The following EFCAB11 variants were observed in gnomAD, a reference collection of about 807,000 sequenced individuals.
The protein encoded by EFCAB11 is EF-hand calcium binding domain 11, also known as EF-hand calcium-binding domain-containing protein 11.
In EFCAB11, 14 loss-of-function variants were observed where a neutral mutation model predicts 23.0. That is an observed-to-expected ratio of 0.61 (90% CI 0.40 to 0.95). EFCAB11 has a LOEUF of 0.95. Ranked by LOEUF, EFCAB11 falls within the 40% of genes least tolerant of loss-of-function variation. The pLI, the probability that EFCAB11 is intolerant of heterozygous loss-of-function variation, is 0.00. For missense variants in EFCAB11, 198 were observed against 195.8 expected (o/e 1.01, Z -0.07); for synonymous variants, 65 against 66.6 (o/e 0.98, Z 0.11).
At chr14:89,810,948 A>C (rs1886132222) in intron 5 of EFCAB11, among the ~76,000 whole-genome samples, 1 of 152,136 alleles carries the variant, frequency 6.6e-6, no homozygotes, top group Admixed American at 6.5e-5. Flanking sequence ...AATTCTATTA[A>C]TACAAGCAAA....
At chr14:89,940,118 T>C (rs181904349) in intron 3 of EFCAB11, among the ~76,000 whole-genome samples, 1 of 152,362 alleles carries the variant, frequency 6.6e-6, no homozygotes, top group Non-Finnish European at 1.5e-5. Flanking sequence ...GTGAAACATA[T>C]TCACTGTTTT....
intron 5 of EFCAB11, among the ~76,000 whole-genome samples, chr14:89,811,318 G>A (rs1169029062): frequency 6.6e-6 from 1 of 152,184 alleles, no homozygotes; most frequent in Non-Finnish European, 1.5e-5. Context: ...GATGCAAAGA[G>A]CGATGGGAAG....
chr14:89,937,651 G>A (rs1387529124), intron 3 of EFCAB11, among the ~76,000 whole-genome samples: 1 of 152,000 alleles, frequency 6.6e-6, no homozygotes, highest in African/African-American at 2.4e-5. Flanking sequence ...TCAGCCTCCC[G>A]AGTAGCTGGG....
intron 5 of EFCAB11, among the ~76,000 whole-genome samples, chr14:89,878,496 A>C (rs1032433322): frequency 1.3e-5 from 2 of 152,224 alleles, no homozygotes; most frequent in East Asian, 1.9e-4. Flanking sequence ...AGAAAATAAA[A>C]GATGAAAATC....
rs1490951017 is a variant in EFCAB11, at chr14:89,796,294, A to G, written c.*949T>C. 6.6e-6 allele frequency: 1 copy of G among 151,976 alleles called. No individual in the cohort carries two copies. Among genetic ancestry groups the G allele is most frequent in the Non-Finnish European group, 1.5e-5 (1 of 67,986 alleles). 9.4% of individuals were successfully genotyped at this position (151,976 alleles called of 1,614,324 possible). Reference sequence around the variant, plus strand: ...GACATTATCTTAGAGAAGTCTTTATATGTTTTTTTTTAATTGAAAGTGTTT... The same window carrying G: ...GACATTATCTTAGAGAAGTCTTTATGTGTTTTTTTTTAATTGAAAGTGTTT... On this transcript the variant is annotated 3_prime_UTR_variant, in exon 6 of 6. Transcript: ENST00000316738.
chr14:89,902,071 C>A (rs1333034771), intron 5 of EFCAB11, among the ~76,000 whole-genome samples: 1 of 152,148 alleles, frequency 6.6e-6, no homozygotes, highest in Non-Finnish European at 1.5e-5. Flanking sequence ...TCTTGCCCTG[C>A]CTACCTCTCA....
intron 5 of EFCAB11, among the ~76,000 whole-genome samples, chr14:89,806,704 G>GGCT (rs1480579488): frequency 6.6e-6 from 1 of 152,106 alleles, no homozygotes; most frequent in African/African-American, 2.4e-5. Context: ...TGCTCAGCTA[G>GGCT]GCTGCTGCCA....
intron 5 of EFCAB11, among the ~76,000 whole-genome samples, chr14:89,906,741 A>G (rs764061952): frequency 3.3e-5 from 5 of 152,190 alleles, no homozygotes; most frequent in Non-Finnish European, 7.4e-5. Flanking sequence ...TGTAGCCAGG[A>G]GGGGAACATT....
At chr14:89,942,777 C>T (rs1015021669) in intron 3 of EFCAB11, among the ~76,000 whole-genome samples, 1 of 152,110 alleles carries the variant, frequency 6.6e-6, no homozygotes, top group Non-Finnish European at 1.5e-5. Context: ...CCCTGGCTGC[C>T]CTCAAATTCT....
At chr14:89,943,701 G>A (rs1031287361) in intron 3 of EFCAB11, among the ~76,000 whole-genome samples, 1 of 152,176 alleles carries the variant, frequency 6.6e-6, no homozygotes, top group Non-Finnish European at 1.5e-5. Context: ...GTTTGAAATT[G>A]GTTCAGTATT....
intron 5 of EFCAB11, among the ~76,000 whole-genome samples, chr14:89,877,174 G>C (rs980837716): frequency 2.0e-5 from 3 of 152,004 alleles, no homozygotes; most frequent in African/African-American, 7.2e-5. Flanking sequence ...TGAGTAGCTA[G>C]GATTATAGGT....
At chr14:89,934,279 C>T (rs562747064) in intron 3 of EFCAB11, among the ~76,000 whole-genome samples, 13 of 152,084 alleles carry the variant, frequency 8.5e-5, no homozygotes, top group Non-Finnish European at 1.5e-4. Context: ...GATGTGGTTG[C>T]CAGGTTGCTG....
At position 89,794,968 on chromosome 14, in the gene EFCAB11, C is replaced by CTTTTTTT. The variant is rs375782284; in HGVS notation, c.*2268_*2274dup. ...TGCTTGATTTGTTTCTACTTAATGT[C>CTTTTTTT]TTTTTTTTTTTTTTTTTTTTTTTTT... On this transcript the variant is annotated 3_prime_UTR_variant, in exon 6 of 6. Transcript: ENST00000316738. 2 of 67,264 alleles carry CTTTTTTT rather than the reference C, an allele frequency of 3.0e-5. No individual in the cohort carries two copies. The highest frequency in any genetic ancestry group is 5.2e-5 in the Non-Finnish European group (2 of 38,578). The allele number at this position is 67,264 out of a possible 1,614,324, so 4.2% of individuals were successfully genotyped here.
chr14:89,919,228 A>C (rs1222476796), intron 5 of EFCAB11, among the ~76,000 whole-genome samples: 1 of 149,400 alleles, frequency 6.7e-6, no homozygotes, highest in East Asian at 2.0e-4. Flanking sequence ...GAGAGAGAGA[A>C]ACACTAATTC....
At chr14:89,924,441 G>C in intron 5 of EFCAB11, 6 of 1,356,378 alleles carry the variant, frequency 4.4e-6, no homozygotes, top group Non-Finnish European at 5.7e-6. Flanking sequence ...TCATGACTGG[G>C]AAGCAAAAGC....
At chr14:89,810,681 G>T (rs1194229788) in intron 5 of EFCAB11, among the ~76,000 whole-genome samples, 2 of 148,810 alleles carry the variant, frequency 1.3e-5, no homozygotes, top group African/African-American at 2.5e-5. Context: ...ACTTGAACTC[G>T]ACAGGCAAAG....
chr14:89,872,219 C>T (rs550962102), intron 5 of EFCAB11, among the ~76,000 whole-genome samples: 1 of 152,286 alleles, frequency 6.6e-6, no homozygotes, highest in East Asian at 1.9e-4. Flanking sequence ...TGTTCTATTG[C>T]TATTTGCCAT....
chr14:89,833,669 G>A (rs1886961138), intron 5 of EFCAB11, among the ~76,000 whole-genome samples: 1 of 152,186 alleles, frequency 6.6e-6, no homozygotes, highest in Non-Finnish European at 1.5e-5. Context: ...ATATGAAAGG[G>A]AAAAGGCTAT....
At chr14:89,907,496 T>A (rs874322) in intron 5 of EFCAB11, among the ~76,000 whole-genome samples, 23,643 of 152,150 alleles carry the variant, frequency 0.16, 2,255 homozygotes, top group South Asian at 0.25. Context: ...ATTCAGCTAA[T>A]GTGTTTTCAT....
Sources: allele counts gnomAD v4.1 joint callset (sites outside exome capture counted in the v4.1 genomes callset), GRCh38; gene constraint gnomAD v4.1.1; transcripts MANE v1.5; gene names NCBI Gene and HGNC (gene_info 2026-07-23, HGNC 2026-07-21).